The following C7 variants were observed in gnomAD, a reference collection of about 807,000 sequenced individuals.
C7 encodes complement component C7.
In C7, 83 loss-of-function variants were observed where a neutral mutation model predicts 104.8. The ratio of observed to expected loss-of-function variants is 0.79; its 90% CI spans 0.66 to 0.95. The LOEUF (loss-of-function observed/expected upper bound fraction) is 0.95. Ranked by LOEUF, C7 falls within the 40% of genes least tolerant of loss-of-function variation. The pLI is 0.00. For missense variants in C7, 1,070 were observed against 1,011.2 expected, an observed-to-expected ratio of 1.06 and a Z score of -0.79; for synonymous variants, 415 against 360.6, an observed-to-expected ratio of 1.15 and a Z score of -1.71.
rs538368279 is a variant in C7 at position 40,966,794 on chromosome 5, G to GTA, written c.1882+1930_1882+1931dup. 2.6e-3 allele frequency among the ~76,000 whole-genome samples: 390 copies of GTA among 152,042 alleles called. 2 individuals are homozygous for GTA. Among genetic ancestry groups the GTA allele is most frequent in the Admixed American group, 4.2e-3 (64 of 15,250 alleles). ...TTTTATGGCTGAGTAGTATTCTATC[G>GTA]TATATATATACCACAGTTTCTTTAT... On this transcript the variant is annotated intron_variant, in intron 14 of 17. Coordinates refer to ENST00000313164, the MANE Select transcript of C7 (RefSeq NM_000587.4).
chr5:40,962,523 A>C (rs1355047453), intron 13 of C7, among the ~76,000 whole-genome samples: 1 of 151,804 alleles, frequency 6.6e-6, no homozygotes, highest in Non-Finnish European at 1.5e-5. Context: ...TATTTTTGCC[A>C]CTGACTTTTT....
At chr5:40,930,410 TGG>T in intron 2 of C7, among the ~76,000 whole-genome samples, 1 of 151,926 alleles carries the variant, frequency 6.6e-6, no homozygotes, top group South Asian at 2.1e-4. Flanking sequence ...TTCACCATGA[TGG>T]CCCTGTTGGT....
intron 1 of C7, chr5:40,911,029 A>T (rs955109909): frequency 1.3e-5 from 2 of 152,208 alleles, no homozygotes; most frequent in Non-Finnish European, 2.9e-5. Flanking sequence ...CAAAATATCA[A>T]CAAATAAAGC....
chr5:40,981,282 G>T, intron 17 of C7, 110 bp from the exon 18 acceptor site: 1 of 1,042,302 alleles, frequency 9.6e-7, no homozygotes, highest in South Asian at 1.5e-5. Flanking sequence ...TGTCATTCCA[G>T]GCAGGAGCTT....
chr5:40,957,696 C>G (rs943670937), intron 10 of C7, among the ~76,000 whole-genome samples: 3 of 151,896 alleles, frequency 2.0e-5, no homozygotes, highest in Admixed American at 2.0e-4. Context: ...CTCAGGTGAT[C>G]CCCCCTGCCG....
At chr5:40,955,722 C>T (rs1192245646) in intron 10 of C7, among the ~76,000 whole-genome samples, 169 bp downstream of exon 10, 1 of 152,146 alleles carries the variant, frequency 6.6e-6, no homozygotes, top group Admixed American at 6.5e-5. Flanking sequence ...TAATAAGAAA[C>T]AGAAGGTGTG....
At chr5:40,941,303 A>T (rs577744896) in intron 6 of C7, among the ~76,000 whole-genome samples, 8 of 152,020 alleles carry the variant, frequency 5.3e-5, no homozygotes, top group African/African-American at 1.9e-4. Context: ...TCCTCAAGTG[A>T]TCCACCCGCC....
intron 1 of C7, among the ~76,000 whole-genome samples, chr5:40,916,930 T>G (rs1302059253): frequency 6.6e-6 from 1 of 151,926 alleles, no homozygotes; most frequent in African/African-American, 2.4e-5. Context: ...TAATACATTG[T>G]TCTAGAGCAG....
intron 1 of C7, among the ~76,000 whole-genome samples, chr5:40,919,717 C>T (rs184160477): frequency 1.3e-5 from 2 of 151,832 alleles, no homozygotes; most frequent in Non-Finnish European, 2.9e-5. Flanking sequence ...CCTCAACAAC[C>T]AATAGGTCAA....
chr5:40,951,243 A>C (rs1253659612), intron 9 of C7, among the ~76,000 whole-genome samples: 1 of 151,980 alleles, frequency 6.6e-6, no homozygotes, highest in Non-Finnish European at 1.5e-5. Context: ...TGTTAAGTTA[A>C]GTTCCTTATA....
At chr5:40,979,953 AC>A (rs774774217) in intron 17 of C7, 44 bp downstream of exon 17, 26 of 1,495,282 alleles carry the variant, frequency 1.7e-5, no homozygotes, top group Non-Finnish European at 2.0e-5. Flanking sequence ...TGCTAAAGTC[AC>A]AGTACTGAGG....
At position 40,934,332 on chromosome 5, in the gene C7, G is replaced by C; in HGVS notation, c.146G>C (p.Arg49Thr). ...CNGCTKTQTRRRSVAVYGQYG... is the reference protein window; with the variant it reads ...CNGCTKTQTRTRSVAVYGQYG... Reference sequence around the variant, plus strand: ...TGCCTGCTTTGTGTTTAGACTCGCAGGCGGTCAGTTGCTGTGTATGGGCAG... The same window carrying C: ...TGCCTGCTTTGTGTTTAGACTCGCACGCGGTCAGTTGCTGTGTATGGGCAG... The change falls in exon 4 of 18, where the codon AGG becomes ACG. Residue 49 changes from arginine to threonine, a missense_variant. By Grantham distance (71) the Arg-to-Thr change is moderately conservative (BLOSUM62 -1). Coordinates refer to ENST00000313164, the MANE Select transcript of C7 (RefSeq NM_000587.4). 6.3e-7 allele frequency: 1 copy of C among 1,594,288 alleles called. No homozygotes were observed. Among genetic ancestry groups the C allele is most frequent in the South Asian group, 1.2e-5 (1 of 86,616 alleles).
rs869250524 is a variant in C7 at position 40,964,020 on chromosome 5, CTTTTTTT to C, written c.1750-696_1750-690del. 2.0e-4 allele frequency among the ~76,000 whole-genome samples: 8 copies of C among 39,884 alleles called. No individual in the cohort carries two copies. In the East Asian group the frequency reaches 3.3e-3, roughly 17 times the overall value. 26.2% of individuals were successfully genotyped at this position (39,884 alleles called of 152,430 possible). ...TATTGTCAATGAACAGCTCATAATA[CTTTTTTT>C]TTTTTTTTTTTTTTTTTTTTTTTTA... On this transcript the variant is annotated intron_variant, in intron 13 of 17. Coordinates refer to ENST00000313164, the MANE Select transcript of C7 (RefSeq NM_000587.4).
intron 6 of C7, among the ~76,000 whole-genome samples, chr5:40,939,378 A>ATTTTACTTTTTTATATATG (rs1739886751): frequency 1.3e-5 from 2 of 152,224 alleles, no homozygotes; most frequent in African/African-American, 4.8e-5. Context: ...AAAGTAAGCA[A>ATTTTACTTTTTTATATATG]TATTTTACTA....
At chr5:40,929,029 C>T (rs1039273543) in intron 2 of C7, among the ~76,000 whole-genome samples, 1 of 151,982 alleles carries the variant, frequency 6.6e-6, no homozygotes, top group African/African-American at 2.4e-5. Context: ...ATAGTCTTAC[C>T]AAGTTCTTGA....
At chr5:40,954,904 A>AC (rs1193661960) in intron 9 of C7, 1 of 276,240 alleles carries the variant, frequency 3.6e-6, no homozygotes, top group Non-Finnish European at 7.0e-6. Context: ...AAAAAAAAAA[A>AC]AGAAAACCAC....
chr5:40,932,292 G>A (rs1739702734), intron 3 of C7, among the ~76,000 whole-genome samples: 1 of 151,822 alleles, frequency 6.6e-6, no homozygotes, highest in African/African-American at 2.4e-5. Flanking sequence ...TTTATTGTTT[G>A]ATATTTAAGT....
chr5:40,959,045 T>C (rs536814147), intron 11 of C7, among the ~76,000 whole-genome samples: 4 of 152,318 alleles, frequency 2.6e-5, no homozygotes, highest in South Asian at 2.1e-4. Context: ...ACGACTGTGA[T>C]TCATTCCTTT....
chr5:40,953,702 TA>T (rs1392599498), intron 9 of C7, among the ~76,000 whole-genome samples: 1 of 151,158 alleles, frequency 6.6e-6, no homozygotes, highest in Non-Finnish European at 1.5e-5. Flanking sequence ...TGGCTATAGT[TA>T]ACAATAATTT....
Sources: allele counts gnomAD v4.1 joint callset (sites outside exome capture counted in the v4.1 genomes callset), GRCh38; gene constraint gnomAD v4.1.1; transcripts MANE v1.5; gene names NCBI Gene and HGNC (gene_info 2026-07-23, HGNC 2026-07-21).